The following RNF212B variants were observed in gnomAD, a reference collection of about 807,000 sequenced individuals.
RNF212B encodes the protein E3 ubiquitin-protein ligase RNF212B.
Under a neutral mutation model 55.5 loss-of-function variants are expected in RNF212B, and 52 were observed. The observed-to-expected ratio is 0.94, with a 90% confidence interval of 0.75 to 1.18. RNF212B has a LOEUF of 1.18. Among genes scored for constraint, RNF212B ranks in the 50% most tolerant of loss-of-function variants. The pLI, the probability that RNF212B is intolerant of heterozygous loss-of-function variation, is 0.00. For missense variants in RNF212B, 289 were observed against 350.4 expected, an observed-to-expected ratio of 0.82 and a Z score of 1.40; for synonymous variants, 99 against 121.4, an observed-to-expected ratio of 0.82 and a Z score of 1.21.
At chr14:23,248,899 G>C (rs1370385836) in intron 4 of RNF212B, among the ~76,000 whole-genome samples, 3 of 152,146 alleles carry the variant, frequency 2.0e-5, no homozygotes, top group African/African-American at 7.2e-5. Context: ...ACCACAGCAG[G>C]CCAGTAAATA....
chr14:23,261,737 G>T (rs138761490), intron 7 of RNF212B, among the ~76,000 whole-genome samples: 3 of 152,154 alleles, frequency 2.0e-5, no homozygotes, highest in Non-Finnish European at 4.4e-5. Flanking sequence ...CAAGGTGGGC[G>T]GATCATGGGG....
chr14:23,187,327 G>A (rs1877695888), intron 1 of RNF212B, among the ~76,000 whole-genome samples: 2 of 152,074 alleles, frequency 1.3e-5, no homozygotes, highest in African/African-American at 4.8e-5. Flanking sequence ...CAACCCCCAC[G>A]CAGTCATGTT....
intron 4 of RNF212B, among the ~76,000 whole-genome samples, chr14:23,248,591 G>A (rs1476890098): frequency 6.6e-6 from 1 of 151,670 alleles, no homozygotes; most frequent in Non-Finnish European, 1.5e-5. Context: ...ACGGGCATGC[G>A]CCACCACACC....
At chr14:23,224,484 A>C (rs1881838356) in intron 2 of RNF212B, among the ~76,000 whole-genome samples, 1 of 152,212 alleles carries the variant, frequency 6.6e-6, no homozygotes, top group African/African-American at 2.4e-5. Flanking sequence ...CAAGGATGCC[A>C]ACAACGTACA....
chr14:23,212,871 C>T (rs1306156033), intron 2 of RNF212B, among the ~76,000 whole-genome samples: 4 of 151,940 alleles, frequency 2.6e-5, no homozygotes, highest in East Asian at 1.9e-4. Context: ...AAATTATTTA[C>T]TTTATTTCTT....
chr14:23,216,879 C>CGAAAA (rs1881126724), intron 2 of RNF212B, among the ~76,000 whole-genome samples: 2 of 48,752 alleles, frequency 4.1e-5, no homozygotes, highest in Non-Finnish European at 3.4e-5. Context: ...GACCCTGTCT[C>CGAAAA]AAAAAAAAAA....
In RNF212B at chr14:23,268,062, A is replaced by T. The variant is rs146734366; in HGVS notation, c.635-862A>T. ...CTGATATTTATCTCCTTAGGCAGCC[A>T]AACAAGTGCTTCTAATTGTTTTCAT... is the stretch of plus-strand genomic sequence containing the variant. On this transcript the variant is annotated intron_variant, in intron 11 of 14. Transcript: ENST00000430154. Among the ~76,000 whole-genome samples the T allele has an allele frequency of 5.3e-5, 8 of 152,336 alleles. No homozygotes were observed. In the East Asian group the frequency reaches 1.5e-3, roughly 29 times the overall value.
At chr14:23,233,984 C>T (rs1335293115), upstream of RNF212B, among the ~76,000 whole-genome samples, 1 of 152,088 alleles carries the variant, frequency 6.6e-6, no homozygotes, top group East Asian at 1.9e-4. Context: ...GTAGTTCCAG[C>T]TACTCAGGAG....
chr14:23,252,943 T>C (rs186023148), intron 4 of RNF212B, among the ~76,000 whole-genome samples: 4 of 152,274 alleles, frequency 2.6e-5, no homozygotes, highest in Admixed American at 1.3e-4. Flanking sequence ...TAATTATAAC[T>C]ATATTTCTGT....
In RNF212B at chr14:23,209,440, A is replaced by C. The variant is rs1880259528; in HGVS notation, c.-2+16039A>C. On this transcript the variant is annotated intron_variant, in intron 2 of 15. Coordinates refer to the RNF212B transcript ENST00000399910. ...AGTTGCTCTGGTTCACACACCTCTG[A>C]CAGTATTAGATTATAATCCAATGTA... Among the ~76,000 whole-genome samples the C allele has an allele frequency of 2.0e-5, 3 of 152,294 alleles. No homozygotes were observed. In the South Asian group the frequency reaches 6.2e-4, roughly 32 times the overall value.
intron 2 of RNF212B, among the ~76,000 whole-genome samples, chr14:23,231,113 T>C (rs1271798989): frequency 3.9e-5 from 6 of 152,192 alleles, no homozygotes; most frequent in African/African-American, 1.4e-4. Flanking sequence ...TTTTGAAATT[T>C]TATATTAATT....
At chr14:23,186,501 C>T (rs1877613183) in intron 1 of RNF212B, among the ~76,000 whole-genome samples, 1 of 152,088 alleles carries the variant, frequency 6.6e-6, no homozygotes, top group South Asian at 2.1e-4. Flanking sequence ...AGGCACCTGC[C>T]ACCATGCCTG....
intron 1 of RNF212B, among the ~76,000 whole-genome samples, chr14:23,187,032 C>T (rs1490798019): frequency 6.6e-6 from 1 of 152,018 alleles, no homozygotes; most frequent in Admixed American, 6.6e-5. Flanking sequence ...TTCACCTGGG[C>T]CCCCCCAACA....
At chr14:23,196,441 A>C (rs1337009129) in intron 2 of RNF212B, among the ~76,000 whole-genome samples, 1 of 152,050 alleles carries the variant, frequency 6.6e-6, no homozygotes, top group Non-Finnish European at 1.5e-5. Context: ...GCTCAAAAAA[A>C]CAAAAACAAA....
At chr14:23,240,237 C>A in intron 1 of RNF212B, 108 bp from the exon 2 acceptor site, 4 of 688,888 alleles carry the variant, frequency 5.8e-6, no homozygotes, top group Admixed American at 2.6e-5. Context: ...TATGCCACAT[C>A]CCAAAAAGCT....
rs747903650 is a variant in RNF212B at position 23,270,593 on chromosome 14, C to A, written c.773-7C>A. On this transcript the variant is annotated splice_region_variant and splice_polypyrimidine_tract_variant and intron_variant, in intron 13 of 14. Coordinates refer to ENST00000430154, the MANE Select transcript of RNF212B (RefSeq NM_001282322.3). Reference sequence around the variant, plus strand: ...GTTATCTTTCACTGTTCCATTCTATCCTTCAGCTCAGAGGGAGAGCACAAC... The same window carrying A: ...GTTATCTTTCACTGTTCCATTCTATACTTCAGCTCAGAGGGAGAGCACAAC... 1.3e-6 allele frequency: 2 copies of A among 1,547,564 alleles called. No homozygotes were observed. The highest frequency in any genetic ancestry group is 1.7e-6 in the Non-Finnish European group (2 of 1,143,982).
chr14:23,216,877 C>T (rs61976537), intron 2 of RNF212B, among the ~76,000 whole-genome samples: 648 of 11,032 alleles, frequency 0.059, 6 homozygotes, highest in Non-Finnish European at 0.091. Context: ...GTGACCCTGT[C>T]TCAAAAAAAA....
At chr14:23,240,495 G>T (rs1033659748) in intron 2 of RNF212B, 50 bp downstream of exon 2, 1 of 1,219,874 alleles carries the variant, frequency 8.2e-7, no homozygotes, top group Admixed American at 2.1e-5. Context: ...TTTCATGTAA[G>T]GATGTAAGGA....
intron 2 of RNF212B, among the ~76,000 whole-genome samples, chr14:23,241,570 T>A (rs1883569059): frequency 6.6e-6 from 1 of 151,908 alleles, no homozygotes; most frequent in African/African-American, 2.4e-5. Context: ...ATTATAGGCA[T>A]GCACCACCAT....
Sources: gnomAD v4.1 joint callset for allele counts (sites outside exome capture counted in the v4.1 genomes callset) on GRCh38, gnomAD v4.1.1 for gene constraint, MANE v1.5 for transcripts, NCBI Gene and HGNC (gene_info 2026-07-23, HGNC 2026-07-21) for gene names.